CTNNA3: variants seen among roughly 807,000 people sequenced by gnomAD.
The protein encoded by CTNNA3 is catenin alpha-3.
Under a neutral mutation model 95.7 loss-of-function variants are expected in CTNNA3, and 76 were observed. That is an observed-to-expected ratio of 0.79 (90% CI 0.66 to 0.96). The LOEUF is 0.96. Ranked by LOEUF, CTNNA3 falls within the 40% of genes least tolerant of loss-of-function variation. CTNNA3 has a pLI of 0.00. For missense variants in CTNNA3, 1,191 were observed against 1,089.8 expected (o/e 1.09, Z -1.31); for synonymous variants, 431 against 374.4 (o/e 1.15, Z -1.74).
At chr10:66,578,744 A>G (rs577103095) in intron 10 of CTNNA3, among the ~76,000 whole-genome samples, 1 of 148,180 alleles carries the variant, frequency 6.7e-6, no homozygotes, top group African/African-American at 2.5e-5. Flanking sequence ...AAAATTTTGC[A>G]TCTCTGTTCA....
chr10:67,636,146 C>G (rs1360447050), intron 2 of CTNNA3, among the ~76,000 whole-genome samples: 1 of 152,104 alleles, frequency 6.6e-6, no homozygotes, highest in Non-Finnish European at 1.5e-5. Context: ...AACTACAAAT[C>G]ACTGCTCAAA....
intron 17 of CTNNA3, among the ~76,000 whole-genome samples, chr10:65,954,015 G>A (rs2077678157): frequency 6.6e-6 from 1 of 152,188 alleles, no homozygotes; most frequent in Non-Finnish European, 1.5e-5. Context: ...GTGTAAAAGT[G>A]TTCCTATTTC....
chr10:66,471,516 G>A, intron 11 of CTNNA3, among the ~76,000 whole-genome samples: 1 of 151,700 alleles, frequency 6.6e-6, no homozygotes. Flanking sequence ...ATGTGGATAT[G>A]AGTCTTTTAT....
intron 6 of CTNNA3, among the ~76,000 whole-genome samples, chr10:67,214,682 T>C (rs10997576): frequency 0.032 from 4,831 of 151,990 alleles, 221 homozygotes; most frequent in African/African-American, 0.096. Flanking sequence ...GGTAAAAATA[T>C]ATTTATCTTT....
intron 9 of CTNNA3, among the ~76,000 whole-genome samples, chr10:66,713,808 A>G (rs1221566955): frequency 2.0e-5 from 3 of 152,258 alleles, no homozygotes; most frequent in East Asian, 3.9e-4. Context: ...GGCTTGGCTT[A>G]TAACTTTCAT....
At chr10:67,079,677 A>G (rs1251347967) in intron 7 of CTNNA3, among the ~76,000 whole-genome samples, 3 of 151,944 alleles carry the variant, frequency 2.0e-5, no homozygotes, top group Admixed American at 6.6e-5. Context: ...GTGAAACCCC[A>G]TCTCTACTAA....
chr10:66,468,651 A>G (rs1839015857), intron 11 of CTNNA3, among the ~76,000 whole-genome samples: 1 of 151,718 alleles, frequency 6.6e-6, no homozygotes, highest in Admixed American at 6.6e-5. Flanking sequence ...AACTATGTGA[A>G]GTAATGTATA....
rs117952363 is a variant in CTNNA3 at position 67,189,121 on chromosome 10, A to G, written c.844-8601T>C. ...GACAGAGCGAGACCCTGTCAAACAA[A>G]CAAACAAACAACAACAACAACAAAA... On this transcript the variant is annotated intron_variant, in intron 6 of 17. Coordinates refer to ENST00000433211, the MANE Select transcript of CTNNA3 (RefSeq NM_013266.4). Among the ~76,000 whole-genome samples the G allele has an allele frequency of 6.0e-3, 870 of 144,774 alleles. 3 individuals carry two copies. The highest frequency in any genetic ancestry group is 9.5e-3 in the Non-Finnish European group (640 of 67,522). The allele number at this position is 144,774 out of a possible 152,430, so 95.0% of individuals were successfully genotyped here. A position where few individuals can be genotyped will look rare whatever the true frequency, so the allele number is the denominator to read the frequency against.
chr10:67,168,088 A>G (rs987077777), intron 7 of CTNNA3, among the ~76,000 whole-genome samples: 1 of 152,180 alleles, frequency 6.6e-6, no homozygotes, highest in Admixed American at 6.5e-5. Context: ...GTGAGCCGAG[A>G]TGGCGTCACT....
chr10:67,231,699 G>A (rs968683826), intron 5 of CTNNA3, among the ~76,000 whole-genome samples: 15 of 151,856 alleles, frequency 9.9e-5, no homozygotes, highest in African/African-American at 2.7e-4. Context: ...GGCTTCAGAC[G>A]ATCAACTTAC....
intron 11 of CTNNA3, among the ~76,000 whole-genome samples, chr10:66,451,431 G>A (rs1589270987): frequency 6.6e-6 from 1 of 151,978 alleles, no homozygotes; most frequent in Non-Finnish European, 1.5e-5. Flanking sequence ...AAATAAGAGA[G>A]ACCTGTTTTA....
At chr10:67,529,416 A>G (rs1224995390) in intron 4 of CTNNA3, among the ~76,000 whole-genome samples, 4 of 148,510 alleles carry the variant, frequency 2.7e-5, no homozygotes. Context: ...TACCCCATAA[A>G]TAAGTACAAC....
chr10:66,557,448 T>C (rs77527036), intron 10 of CTNNA3, among the ~76,000 whole-genome samples: 185 of 152,296 alleles, frequency 1.2e-3, no homozygotes, highest in African/African-American at 4.2e-3. Context: ...AAAATTGGTA[T>C]ATACCATGTT....
At chr10:67,014,176 T>C (rs950901372) in intron 7 of CTNNA3, among the ~76,000 whole-genome samples, 3 of 152,196 alleles carry the variant, frequency 2.0e-5, no homozygotes, top group Non-Finnish European at 4.4e-5. Context: ...TTCCTACCAT[T>C]CTTCACCATG....
chr10:67,371,775 C>G (rs1386509548), intron 5 of CTNNA3, among the ~76,000 whole-genome samples: 6 of 152,166 alleles, frequency 3.9e-5, no homozygotes, highest in Non-Finnish European at 1.5e-5. Context: ...AATGGTATTT[C>G]TAGTTCTAGA....
intron 13 of CTNNA3, among the ~76,000 whole-genome samples, chr10:66,109,144 T>C (rs10762026): frequency 0.21 from 32,603 of 152,108 alleles, 3,661 homozygotes; most frequent in Admixed American, 0.27. Context: ...AATCTTACCA[T>C]AGCCCCGTGC....
rs540105266 is a variant in CTNNA3, at chr10:66,922,206, G to A, written c.1048-146682C>T. 8.9e-4 allele frequency among the ~76,000 whole-genome samples: 136 copies of A among 152,202 alleles called. 1 individual carries two copies. Among genetic ancestry groups the A allele is most frequent in the African/African-American group, 2.8e-3 (118 of 41,538 alleles). On this transcript the variant is annotated intron_variant, in intron 7 of 17. Transcript: ENST00000433211. The stretch of plus-strand genomic sequence containing the variant: ...TGGATGCATTGGGGATATTTAACTC[G>A]TCAGGTAGTTTACGGTTTGTTCTGT...
At chr10:66,577,250 C>T (rs1329486251) in intron 10 of CTNNA3, among the ~76,000 whole-genome samples, 1 of 151,840 alleles carries the variant, frequency 6.6e-6, no homozygotes, top group African/African-American at 2.4e-5. Flanking sequence ...GCACAGTTTG[C>T]TAATATTTTC....
intron 7 of CTNNA3, among the ~76,000 whole-genome samples, chr10:66,916,009 A>C: frequency 6.6e-6 from 1 of 152,144 alleles, no homozygotes; most frequent in East Asian, 1.9e-4. Flanking sequence ...GGCCTCCCAA[A>C]GTGGGCTGGG....
Sources: allele counts gnomAD v4.1 joint callset (sites outside exome capture counted in the v4.1 genomes callset), GRCh38; gene constraint gnomAD v4.1.1; transcripts MANE v1.5; gene names NCBI Gene and HGNC (gene_info 2026-07-23, HGNC 2026-07-21).